TUBGCP4: variants seen among roughly 807,000 people sequenced by gnomAD.
The protein encoded by TUBGCP4 is gamma-tubulin complex component 4.
Under a neutral mutation model 91.6 loss-of-function variants are expected in TUBGCP4, and 54 were observed. That is an observed-to-expected ratio of 0.59 (90% CI 0.47 to 0.74). The LOEUF is 0.74. TUBGCP4 is among the 30% of genes least tolerant of loss of function. The pLI is 0.00. For synonymous variants in TUBGCP4, 297 were observed against 302.8 expected (o/e 0.98, Z 0.20); for missense variants, 593 against 800.9 (o/e 0.74, Z 3.13).
chr15:43,386,601 T>C (rs1448055439), intron 9 of TUBGCP4, among the ~76,000 whole-genome samples: 3 of 148,900 alleles, frequency 2.0e-5, no homozygotes, highest in Non-Finnish European at 4.5e-5. Flanking sequence ...GGCATGCACC[T>C]GTAGTCCCAG....
chr15:43,407,656 A>G lies in TUBGCP4; in HGVS notation c.*2442A>G, dbSNP rs189255143. On this transcript the variant is annotated 3_prime_UTR_variant, in exon 18 of 18. Transcript: ENST00000564079. ...AGAGAGATTTGATTCTAACCAATAC[A>G]TCCCACTCTGCACAAACCAAAGCCC... 9.8e-5 allele frequency: 128 copies of G among 1,304,968 alleles called. No homozygotes were observed. Among genetic ancestry groups the G allele is most frequent in the Admixed American group, 3.8e-4 (16 of 42,126 alleles). 80.8% of individuals were successfully genotyped at this position (1,304,968 alleles called of 1,614,324 possible).
At chr15:43,382,525 G>A (rs986311408) in intron 6 of TUBGCP4, among the ~76,000 whole-genome samples, 4 of 152,146 alleles carry the variant, frequency 2.6e-5, no homozygotes, top group African/African-American at 9.7e-5. Flanking sequence ...CAGCTGTCCT[G>A]TATAATGTTT....
At chr15:43,392,109 CACACACACACAT>C (rs1390023820) in intron 9 of TUBGCP4, among the ~76,000 whole-genome samples, 3 of 149,718 alleles carry the variant, frequency 2.0e-5, no homozygotes, top group Non-Finnish European at 2.9e-5. Context: ...CACACACACA[CACACACACACAT>C]ATTTTTTTTT....
intron 1 of TUBGCP4, 93 bp downstream of exon 1, chr15:43,371,525 G>A (rs573385795): frequency 1.6e-6 from 2 of 1,286,586 alleles, no homozygotes; most frequent in African/African-American, 1.4e-5. Context: ...CCTAGCGAGC[G>A]GGGCTTCCAG....
intron 13 of TUBGCP4, chr15:43,398,440 T>C (rs1460426828): frequency 3.3e-6 from 1 of 300,948 alleles, no homozygotes; most frequent in African/African-American, 2.1e-5. Flanking sequence ...TTTTTAACAA[T>C]CTGTAAATCA....
At chr15:43,379,970 G>A in intron 5 of TUBGCP4, 114 bp from the exon 6 acceptor site, 1 of 991,062 alleles carries the variant, frequency 1.0e-6, no homozygotes, top group Non-Finnish European at 1.6e-6. Context: ...TTAGGAGAAA[G>A]TTTATCCCCA....
rs762293392 is a variant in TUBGCP4, at chr15:43,407,515, C to T, written c.*2301C>T. On this transcript the variant is annotated 3_prime_UTR_variant, in exon 18 of 18. Coordinates refer to ENST00000564079, the MANE Select transcript of TUBGCP4 (RefSeq NM_014444.5). ...GCAATGCTTCAGCACACTTCAGCAC[C>T]GAGGCTGGGCATGAGGGGTCCGTCA... is the stretch of plus-strand genomic sequence containing the variant. The T allele has an allele frequency of 1.1e-5, 17 of 1,614,042 alleles. No individual in the cohort carries two copies. The highest frequency in any genetic ancestry group is 1.7e-5 in the Admixed American group (1 of 60,004).
chr15:43,376,590 C>A lies in TUBGCP4; in HGVS notation c.295C>A (p.Pro99Thr), dbSNP rs1355447928. 3.1e-6 allele frequency: 5 copies of A among 1,614,160 alleles called. No individual in the cohort carries two copies. The highest frequency in any genetic ancestry group is 2.2e-5 in the South Asian group (2 of 91,082). Residue 99 changes from proline to threonine, a missense_variant, in exon 3 of 18, where the codon CCT (proline) becomes ACT (threonine). Physicochemically the swap from Pro to Thr is conservative, Grantham distance 38. Transcript: ENST00000564079. ...FCTGLDSVLQ[P>T]YRQALLDLEQ... ...CACAGGGCTGGATTCTGTTTTGCAG[C>A]CTTATCGCCAAGCACTGCTTGATTT...
At chr15:43,401,906 G>C (rs2044690155) in intron 15 of TUBGCP4, 56 bp downstream of exon 15, 1 of 1,587,054 alleles carries the variant, frequency 6.3e-7, no homozygotes, top group Admixed American at 1.8e-5. Context: ...CATTCCCTTA[G>C]GCAGTTTGAG....
chr15:43,408,611 T>C lies in TUBGCP4; in HGVS notation c.*3397T>C. The C allele has an allele frequency of 2.5e-6, 1 of 406,196 alleles. No individual in the cohort carries two copies. Among genetic ancestry groups the C allele is most frequent in the Non-Finnish European group, 4.6e-6 (1 of 219,374 alleles). The allele number at this position is 406,196 out of a possible 1,614,324, so 25.2% of individuals were successfully genotyped here. A position where few individuals can be genotyped will look rare whatever the true frequency, so the allele number is the denominator to read the frequency against. On this transcript the variant is annotated 3_prime_UTR_variant, in exon 18 of 18. Coordinates refer to ENST00000564079, the MANE Select transcript of TUBGCP4 (RefSeq NM_014444.5). The stretch of plus-strand genomic sequence containing the variant: ...CTGAGAATAATCCAAATCATGCTCC[T>C]GAGCCTATATATTTTTAATGCTTGC...
chr15:43,392,534 T>G (rs996199397), intron 9 of TUBGCP4, among the ~76,000 whole-genome samples: 1 of 152,186 alleles, frequency 6.6e-6, no homozygotes, highest in African/African-American at 2.4e-5. Context: ...AGTTTTGCTC[T>G]GTCACCCAGG....
Position 43,374,741 on chromosome 15 carries a change from A to G in TUBGCP4, c.79-1357A>G, listed in dbSNP as rs568669829. ...CCGTGTTCACCAAGCATTATTCACAATCGCTGAGAGGTGGAAGCAAGTGTC... is the reference window on the plus strand; with the variant it reads ...CCGTGTTCACCAAGCATTATTCACAGTCGCTGAGAGGTGGAAGCAAGTGTC... On this transcript the variant is annotated intron_variant, in intron 1 of 17. Coordinates refer to ENST00000564079, the MANE Select transcript of TUBGCP4 (RefSeq NM_014444.5). 2.0e-5 allele frequency among the ~76,000 whole-genome samples: 3 copies of G among 152,330 alleles called. No individual in the cohort carries two copies. In the East Asian group the frequency reaches 5.8e-4, roughly 29 times the overall value.
At chr15:43,371,531 T>A in intron 1 of TUBGCP4, 99 bp downstream of exon 1, 1 of 1,256,420 alleles carries the variant, frequency 8.0e-7, no homozygotes, top group Non-Finnish European at 1.1e-6. Context: ...GAGCGGGGCT[T>A]CCAGGGCTGG....
intron 5 of TUBGCP4, 65 bp downstream of exon 5, chr15:43,377,968 C>G: frequency 7.6e-7 from 1 of 1,313,728 alleles, no homozygotes; most frequent in Non-Finnish European, 1.1e-6. Flanking sequence ...ATTAATTTTG[C>G]TTTACATTAT....
chr15:43,387,915 C>T (rs1395812971), intron 9 of TUBGCP4, among the ~76,000 whole-genome samples: 4 of 152,070 alleles, frequency 2.6e-5, no homozygotes, highest in African/African-American at 7.2e-5. Context: ...GTGGAGCAGT[C>T]GCGGCTCACT....
chr15:43,381,553 A>G (rs945805899), intron 6 of TUBGCP4, among the ~76,000 whole-genome samples: 1 of 152,144 alleles, frequency 6.6e-6, no homozygotes, highest in Non-Finnish European at 1.5e-5. Context: ...CCTGGGCAAC[A>G]TAGCGAGACC....
At position 43,409,476 on chromosome 15, in the gene TUBGCP4, T is replaced by C. The variant is rs2045039563; in HGVS notation, c.*4262T>C. ...ACCCAAGGTCCTACCTTCTCTTCCC[T>C]ATACACAACAAAAATTCTATTTCAT... On this transcript the variant is annotated 3_prime_UTR_variant, in exon 18 of 18. Coordinates refer to ENST00000564079, the MANE Select transcript of TUBGCP4 (RefSeq NM_014444.5). 1.9e-6 allele frequency: 1 copy of C among 530,358 alleles called. No individual in the cohort carries two copies. Among genetic ancestry groups the C allele is most frequent in the South Asian group, 3.1e-5 (1 of 31,758 alleles). The allele number at this position is 530,358 out of a possible 1,614,324, so 32.9% of individuals were successfully genotyped here.
In TUBGCP4 at chr15:43,401,587, C is replaced by G. The variant is rs573973962; in HGVS notation, c.1597-129C>G. ...CAATATAAGGGTGTCTTTGGTCAGC[C>G]TTAATGTGACTTGGTTAGAAGGAAG... On this transcript the variant is annotated intron_variant, in intron 14 of 17. Transcript: ENST00000564079. 83 of 981,018 alleles carry G rather than the reference C, an allele frequency of 8.5e-5. 1 individual carries two copies. The Admixed American group carries it at 8.7e-4, about 10-fold the overall frequency. The allele number at this position is 981,018 out of a possible 1,614,324, so 60.8% of individuals were successfully genotyped here. A position where few individuals can be genotyped will look rare whatever the true frequency, so the allele number is the denominator to read the frequency against.
rs1566906972 is a variant in TUBGCP4 at position 43,405,484 on chromosome 15, T to C, written c.*270T>C. ...TTGTTGGATATGTTCATTTATTCAA[T>C]AGTCATTTATTGAGCACCTACTACG... On this transcript the variant is annotated 3_prime_UTR_variant, in exon 18 of 18. Coordinates refer to ENST00000564079, the MANE Select transcript of TUBGCP4 (RefSeq NM_014444.5). 1 of 532,082 alleles carries C rather than the reference T, an allele frequency of 1.9e-6. No individual in the cohort carries two copies. The highest frequency in any genetic ancestry group is 3.4e-6 in the Non-Finnish European group (1 of 297,884). 33.0% of individuals were successfully genotyped at this position (532,082 alleles called of 1,614,324 possible). A position where few individuals can be genotyped will look rare whatever the true frequency, so the allele number is the denominator to read the frequency against.
Sources: allele counts gnomAD v4.1 joint callset (sites outside exome capture counted in the v4.1 genomes callset), GRCh38; gene constraint gnomAD v4.1.1; transcripts MANE v1.5; gene names NCBI Gene and HGNC (gene_info 2026-07-23, HGNC 2026-07-21).